KCTD10: variants seen among roughly 807,000 people sequenced by gnomAD.
KCTD10 encodes potassium channel tetramerization domain containing 10.
KCTD10 carries 13 observed loss-of-function variants against 34.6 expected under a neutral mutation model. The observed-to-expected ratio is 0.38, with a 90% CI of 0.24 to 0.60. The LOEUF (loss-of-function observed/expected upper bound fraction) is 0.60, where lower values mean the gene tolerates loss of function less well. KCTD10 is among the 20% of genes least tolerant of loss of function. The probability of loss-of-function intolerance (pLI) is 0.66; values close to 1 mark genes in which losing one functional copy is unlikely to be tolerated. For synonymous variants in KCTD10, 156 were observed against 168.8 expected (o/e 0.92, Z 0.59); for missense variants, 256 against 420.3 (o/e 0.61, Z 3.42).
At chr12:109,465,651 T>A (rs1472069794) in intron 2 of KCTD10, among the ~76,000 whole-genome samples, 2 of 152,212 alleles carry the variant, frequency 1.3e-5, no homozygotes, top group African/African-American at 4.8e-5. Context: ...GGTCATACTT[T>A]ATGCCTGGGC....
At chr12:109,452,104 T>C (rs544007800) in intron 6 of KCTD10, among the ~76,000 whole-genome samples, 132 of 152,244 alleles carry the variant, frequency 8.7e-4, no homozygotes, top group Non-Finnish European at 1.5e-3. Context: ...CATGTAAATA[T>C]GTGTAATACA....
intron 5 of KCTD10, 116 bp downstream of exon 5, chr12:109,457,514 C>A: frequency 2.5e-6 from 2 of 810,920 alleles, no homozygotes; most frequent in Middle Eastern, 2.8e-4. Flanking sequence ...TCTATCCAGG[C>A]AGAGAGGTAC....
At chr12:109,464,888 A>G (rs1193886161) in intron 2 of KCTD10, 1 of 454,926 alleles carries the variant, frequency 2.2e-6, no homozygotes, top group Non-Finnish European at 4.4e-6. Context: ...GACTCCTGCA[A>G]TATCTAAGGA....
chr12:109,453,852 C>G (rs1872899003), intron 6 of KCTD10, among the ~76,000 whole-genome samples: 2 of 152,200 alleles, frequency 1.3e-5, no homozygotes, highest in Admixed American at 1.3e-4. Flanking sequence ...AAGATCTACC[C>G]CTAAACTGCA....
Position 109,450,450 on chromosome 12 carries a change from T to C in KCTD10, c.*1145A>G. 2 of 398,862 alleles carry C rather than the reference T, an allele frequency of 5.0e-6. No individual in the cohort carries two copies. Among genetic ancestry groups the C allele is most frequent in the East Asian group, 7.1e-5 (2 of 28,090 alleles). 24.7% of individuals were successfully genotyped at this position (398,862 alleles called of 1,614,324 possible). ...CAGACACAAACCAGACCCAAAGTTATCTATCTACCCGCACATCCTCAACCT... is the reference window on the plus strand; with the variant it reads ...CAGACACAAACCAGACCCAAAGTTACCTATCTACCCGCACATCCTCAACCT... On this transcript the variant is annotated 3_prime_UTR_variant, in exon 7 of 7. Transcript: ENST00000228495.
Position 109,477,248 on chromosome 12 carries a change from C to T in KCTD10, c.3+12G>A, listed in dbSNP as rs373127599. The T allele has an allele frequency of 1.2e-5, 19 of 1,613,738 alleles. No individual in the cohort carries two copies. The African/African-American group carries it at 2.4e-4, about 20-fold the overall frequency. Reference sequence around the variant, plus strand: ...CCCTCAACCCCTAGTCCATGGGCACCGCCCTCCCTACCATGAAAAGTCGGA... The same window carrying T: ...CCCTCAACCCCTAGTCCATGGGCACTGCCCTCCCTACCATGAAAAGTCGGA... On this transcript the variant is annotated intron_variant, in intron 1 of 6. Transcript: ENST00000228495.
chr12:109,448,680 T>C lies in KCTD10; in HGVS notation c.*2915A>G, dbSNP rs1008804981. On this transcript the variant is annotated 3_prime_UTR_variant, in exon 7 of 7. Coordinates refer to ENST00000228495, the MANE Select transcript of KCTD10 (RefSeq NM_031954.5). Reference sequence around the variant, plus strand: ...AGCATTTTATGACTTTTATTTTACATGTCGCCAACGTTTGTACAACATACA... The same window carrying C: ...AGCATTTTATGACTTTTATTTTACACGTCGCCAACGTTTGTACAACATACA... 1 of 152,286 alleles carries C rather than the reference T, an allele frequency of 6.6e-6. No individual in the cohort carries two copies. Among genetic ancestry groups the C allele is most frequent in the Non-Finnish European group, 1.5e-5 (1 of 68,048 alleles). The allele number at this position is 152,286 out of a possible 1,614,324, so 9.4% of individuals were successfully genotyped here. A position where few individuals can be genotyped will look rare whatever the true frequency, so the allele number is the denominator to read the frequency against.
In KCTD10 at chr12:109,449,853, A is replaced by AAAC. The variant is rs1214598081; in HGVS notation, c.*1739_*1741dup. On this transcript the variant is annotated 3_prime_UTR_variant, in exon 7 of 7. Coordinates refer to ENST00000228495, the MANE Select transcript of KCTD10 (RefSeq NM_031954.5). ...ACTTAAACAGTATAAAATATTTACG[A>AAAC]AACATTTTGTAAGCCCTCTTTCCTT... 1 of 138,922 alleles carries AAAC rather than the reference A, an allele frequency of 7.2e-6. No homozygotes were observed. Among genetic ancestry groups the AAAC allele is most frequent in the East Asian group, 1.9e-4 (1 of 5,212 alleles). 8.6% of individuals were successfully genotyped at this position (138,922 alleles called of 1,614,324 possible). A position where few individuals can be genotyped will look rare whatever the true frequency, so the allele number is the denominator to read the frequency against.
At chr12:109,455,719 G>C (rs1318255838) in intron 6 of KCTD10, among the ~76,000 whole-genome samples, 1 of 152,220 alleles carries the variant, frequency 6.6e-6, no homozygotes, top group Non-Finnish European at 1.5e-5. Flanking sequence ...AGCCCCAAAA[G>C]GGCAGGCAAA....
chr12:109,449,197 T>G lies in KCTD10; in HGVS notation c.*2398A>C, dbSNP rs1872634942. ...TAAGAAAAATCAGTTCCTTGTATAC[T>G]CAATAACAGAGCTTGGACCAGCCAA... On this transcript the variant is annotated 3_prime_UTR_variant, in exon 7 of 7. Coordinates refer to ENST00000228495, the MANE Select transcript of KCTD10 (RefSeq NM_031954.5). 6.6e-6 allele frequency: 1 copy of G among 152,236 alleles called. No homozygotes were observed. Among genetic ancestry groups the G allele is most frequent in the Non-Finnish European group, 1.5e-5 (1 of 68,044 alleles). The allele number at this position is 152,236 out of a possible 1,614,324, so 9.4% of individuals were successfully genotyped here.
At chr12:109,475,738 T>C (rs1350030098) in intron 1 of KCTD10, among the ~76,000 whole-genome samples, 1 of 152,236 alleles carries the variant, frequency 6.6e-6, no homozygotes, top group Non-Finnish European at 1.5e-5. Context: ...TAAGAAACAC[T>C]GTATTGAGGC....
At chr12:109,474,712 A>C (rs3948619) in intron 1 of KCTD10, among the ~76,000 whole-genome samples, 12,983 of 152,120 alleles carry the variant, frequency 0.085, 1,293 homozygotes, top group African/African-American at 0.24. Flanking sequence ...CCATAAACCA[A>C]AGCCAGCCCC....
At chr12:109,469,148 G>A (rs369991060) in intron 2 of KCTD10, 66 of 246,802 alleles carry the variant, frequency 2.7e-4, no homozygotes, top group African/African-American at 1.3e-3. Flanking sequence ...CAAAAGCTTC[G>A]GCCACTTGGT....
At chr12:109,459,929 G>C (rs1157596565) in intron 3 of KCTD10, among the ~76,000 whole-genome samples, 1 of 152,242 alleles carries the variant, frequency 6.6e-6, no homozygotes, top group Admixed American at 6.5e-5. Context: ...CAACAGTGTA[G>C]TAATAATAAA....
Position 109,463,473 on chromosome 12 carries a change from G to A in KCTD10, c.218-2668C>T, listed in dbSNP as rs72647797. Reference sequence around the variant, plus strand: ...GAAAGTCAGCTCAAATGCCTAGCACGTAGAAAGACAAATGGAAGTCAAGCA... The same window carrying A: ...GAAAGTCAGCTCAAATGCCTAGCACATAGAAAGACAAATGGAAGTCAAGCA... On this transcript the variant is annotated intron_variant, in intron 2 of 6. Coordinates refer to ENST00000228495, the MANE Select transcript of KCTD10 (RefSeq NM_031954.5). Among the ~76,000 whole-genome samples, 1,088 of 152,344 alleles carry A rather than the reference G, an allele frequency of 7.1e-3. 6 individuals are homozygous for A. The highest frequency in any genetic ancestry group is 0.011 in the Non-Finnish European group (724 of 68,034).
intron 2 of KCTD10, among the ~76,000 whole-genome samples, chr12:109,467,992 G>C (rs1371728791): frequency 1.3e-5 from 2 of 152,184 alleles, no homozygotes; most frequent in Non-Finnish European, 2.9e-5. Flanking sequence ...AGAGTGGGTA[G>C]GGTATGAGAA....
At chr12:109,473,283 T>C (rs1873978063) in intron 1 of KCTD10, among the ~76,000 whole-genome samples, 1 of 151,990 alleles carries the variant, frequency 6.6e-6, no homozygotes. Context: ...GCCCTGAAAA[T>C]AGTCGCGAGG....
intron 6 of KCTD10, among the ~76,000 whole-genome samples, chr12:109,454,694 A>C (rs1402992957): frequency 6.6e-6 from 1 of 152,208 alleles, no homozygotes; most frequent in Non-Finnish European, 1.5e-5. Context: ...GTGTCACTGT[A>C]CTCAAGCCTG....
At position 109,451,651 on chromosome 12, in the gene KCTD10, G is replaced by A. The variant is rs991352796; in HGVS notation, c.886C>T (p.Arg296Cys). The A allele has an allele frequency of 1.9e-6, 3 of 1,612,768 alleles. No individual in the cohort carries two copies. The highest frequency in any genetic ancestry group is 2.5e-6 in the Non-Finnish European group (3 of 1,179,788). ...CGCTTGATGTGGATCCTCCGCACGC[G>A]CTCGATCCGCTCCCGCTCCTCGTCC... ...DEDEERERIE[R>C]VRRIHIKRPD... The change falls in exon 7 of 7, where the codon CGC (arginine) becomes TGC (cysteine). Residue 296 changes from arginine to cysteine, a missense_variant. Arg to Cys is a radical substitution (Grantham distance 180). Transcript: ENST00000228495. This position sits in a 1 kb window ranked among gnomAD's most constrained non-coding sequence, Gnocchi z 5.0.
Sources: gnomAD v4.1 joint callset for allele counts (sites outside exome capture counted in the v4.1 genomes callset) on GRCh38, gnomAD v4.1.1 for gene constraint, Gnocchi (gnomAD v3.1) non-coding constraint, MANE v1.5 for transcripts, NCBI Gene and HGNC (gene_info 2026-07-23, HGNC 2026-07-21) for gene names.